RFX8: variants seen among roughly 807,000 people sequenced by gnomAD.
The protein encoded by RFX8 is DNA-binding protein RFX8.
Under a neutral mutation model 54.6 loss-of-function variants are expected in RFX8, and 46 were observed. The ratio of observed to expected loss-of-function variants is 0.84; its 90% CI spans 0.67 to 1.08. RFX8 has a LOEUF of 1.08. Among genes scored for constraint, RFX8 ranks in the 50% least tolerant of loss-of-function variants. The pLI is 0.00. For missense variants in RFX8, 536 were observed against 562.3 expected (o/e 0.95, Z 0.47); for synonymous variants, 192 against 209.5 (o/e 0.92, Z 0.72).
chr2:101,427,975 C>T lies in RFX8; in HGVS notation c.73-5503G>A, dbSNP rs998649212. Among the ~76,000 whole-genome samples the T allele has an allele frequency of 2.0e-4, 30 of 152,072 alleles. 1 individual carries two copies. The highest frequency in any genetic ancestry group is 1.4e-3 in the Admixed American group (21 of 15,266). On this transcript the variant is annotated intron_variant, in intron 2 of 11. Coordinates refer to ENST00000428343, the MANE Select transcript of RFX8 (RefSeq NM_001145664.2). The stretch of plus-strand genomic sequence containing the variant: ...ACGGACAGAATGTTGTTATCCCCCC[C>T]GCCCCCCGCAGGGTCATGTGTTAAA...
At chr2:101,442,346 G>A (rs1688143156) in intron 2 of RFX8, among the ~76,000 whole-genome samples, 1 of 152,066 alleles carries the variant, frequency 6.6e-6, no homozygotes, top group African/African-American at 2.4e-5. Context: ...TTTCTCTTCT[G>A]ATACTCCAAC....
chr2:101,412,014 T>A (rs1383692802), intron 8 of RFX8, among the ~76,000 whole-genome samples: 1 of 152,116 alleles, frequency 6.6e-6, no homozygotes, highest in Non-Finnish European at 1.5e-5. Context: ...ACACAGTTGA[T>A]AGCCTGAAGG....
chr2:101,410,365 CCA>C (rs1686045197), intron 9 of RFX8, among the ~76,000 whole-genome samples: 1 of 145,328 alleles, frequency 6.9e-6, no homozygotes, highest in African/African-American at 2.6e-5. Context: ...ACACACACTC[CCA>C]CACACCCAAA....
In RFX8 at chr2:101,402,621, C is replaced by G; in HGVS notation, c.1060G>C (p.Gly354Arg). Residue 354 changes from glycine (G) to arginine (R), a missense_variant, in exon 11 of 12, where the codon GGC becomes CGC. Physicochemically the swap from Gly to Arg is moderately radical, Grantham distance 125. Transcript: ENST00000428343. Reference sequence around the variant, plus strand: ...TGGAAAAGTGCCTGGTCTGGCTGGCCGAGAGTCGGGTCATCTGGTAGCATT... The same window carrying G: ...TGGAAAAGTGCCTGGTCTGGCTGGCGGAGAGTCGGGTCATCTGGTAGCATT... ...KEMLPDDPTL[G>R]QPDQALFHSL... 6.4e-7 allele frequency: 1 copy of G among 1,552,426 alleles called. No homozygotes were observed. The highest frequency in any genetic ancestry group is 2.4e-5 in the East Asian group (1 of 40,974).
intron 2 of RFX8, among the ~76,000 whole-genome samples, chr2:101,452,845 G>T (rs1046365376): frequency 5.3e-5 from 8 of 152,002 alleles, no homozygotes; most frequent in Admixed American, 6.6e-5. Flanking sequence ...GGTGGCTCAC[G>T]CCTGTAATCC....
intron 10 of RFX8, 46 bp downstream of exon 10, chr2:101,405,897 T>C (rs1450697951): frequency 2.7e-5 from 33 of 1,228,580 alleles, no homozygotes; most frequent in Non-Finnish European, 3.4e-5. Flanking sequence ...CATAATGACA[T>C]TTTTAAAAGG....
At chr2:101,470,585 G>A (rs1689921102) in intron 1 of RFX8, among the ~76,000 whole-genome samples, 1 of 152,128 alleles carries the variant, frequency 6.6e-6, no homozygotes, top group African/African-American at 2.4e-5. Context: ...ATCAGACAAG[G>A]TGGATTATTA....
intron 2 of RFX8, among the ~76,000 whole-genome samples, chr2:101,453,417 C>A (rs533755138): frequency 6.6e-6 from 1 of 152,214 alleles, no homozygotes; most frequent in Admixed American, 6.5e-5. Flanking sequence ...ATGGACAGAT[C>A]ACCTGAGGTC....
intron 2 of RFX8, among the ~76,000 whole-genome samples, chr2:101,427,526 G>A (rs956981460): frequency 1.1e-4 from 16 of 152,202 alleles, no homozygotes; most frequent in Admixed American, 7.2e-4. Context: ...ACGGCTCTGC[G>A]AACATGTTGA....
intron 10 of RFX8, 91 bp downstream of exon 10, chr2:101,405,852 T>C: frequency 1.4e-6 from 1 of 694,666 alleles, no homozygotes; most frequent in Non-Finnish European, 2.3e-6. Context: ...AGAAGACGGC[T>C]GGATTCTACA....
In RFX8 at chr2:101,421,729, G is replaced by C; in HGVS notation, c.232C>G (p.Arg78Gly). ...EYCNYCRDIL[R>G]NVEDLLTSFW... ...TCAAGTTCTCAGTTCCTCACATTTC[G>C]TAAAATGTCTCGACAATAGTTGCAG... Residue 78 changes from arginine (R) to glycine (G), a missense_variant, in exon 4 of 12, where the codon CGA becomes GGA. By Grantham distance (125) the Arg-to-Gly change is moderately radical. Coordinates refer to ENST00000428343, the MANE Select transcript of RFX8 (RefSeq NM_001145664.2). The C allele has an allele frequency of 6.5e-7, 1 of 1,549,414 alleles. No individual in the cohort carries two copies. Among genetic ancestry groups the C allele is most frequent in the Non-Finnish European group, 8.7e-7 (1 of 1,145,748 alleles).
intron 4 of RFX8, chr2:101,421,196 G>A: frequency 7.5e-6 from 7 of 938,044 alleles, no homozygotes; most frequent in Non-Finnish European, 8.9e-6. Flanking sequence ...TCATTTGAAT[G>A]TGCACTTGTT....
intron 2 of RFX8, among the ~76,000 whole-genome samples, chr2:101,428,012 G>A (rs558998014): frequency 3.3e-5 from 5 of 151,702 alleles, no homozygotes; most frequent in East Asian, 1.9e-4. Context: ...CCCTAATCCC[G>A]GCTGAGCGTG....
At chr2:101,469,088 ATATAAG>A (rs1401637537) in intron 1 of RFX8, among the ~76,000 whole-genome samples, 1 of 51,320 alleles carries the variant, frequency 1.9e-5, no homozygotes, top group African/African-American at 1.2e-4. Context: ...AAGTGTATAT[ATATAAG>A]TATATATATA....
chr2:101,453,615 T>C (rs1393822945), intron 2 of RFX8, among the ~76,000 whole-genome samples: 1 of 152,136 alleles, frequency 6.6e-6, no homozygotes, highest in Non-Finnish European at 1.5e-5. Context: ...TCAATGTAAT[T>C]TCTTCCAGTC....
intron 2 of RFX8, among the ~76,000 whole-genome samples, chr2:101,440,418 A>C (rs1193011090): frequency 6.6e-6 from 1 of 152,182 alleles, no homozygotes; most frequent in African/African-American, 2.4e-5. Context: ...GGAGTCTATA[A>C]TGTTGGCATG....
intron 4 of RFX8, among the ~76,000 whole-genome samples, chr2:101,419,959 C>A (rs560961931): frequency 6.6e-6 from 1 of 152,336 alleles, no homozygotes; most frequent in Non-Finnish European, 1.5e-5. Flanking sequence ...CCCCTCACCA[C>A]CCGCGTCCAA....
Position 101,427,889 on chromosome 2 carries a change from C to T in RFX8, c.73-5417G>A, listed in dbSNP as rs138612017. 2.5e-4 allele frequency among the ~76,000 whole-genome samples: 38 copies of T among 152,314 alleles called. No individual in the cohort carries two copies. In the East Asian group the frequency reaches 7.3e-3, roughly 29 times the overall value. On this transcript the variant is annotated intron_variant, in intron 2 of 11. Coordinates refer to ENST00000428343, the MANE Select transcript of RFX8 (RefSeq NM_001145664.2). ...ATTCAGCCCTCAAGAAGGCTGGTCA[C>T]TAAACACGTTTATAAAAGGTTATCT...
intron 4 of RFX8, 38 bp downstream of exon 4, chr2:101,421,686 A>G (rs914241679): frequency 1.5e-5 from 23 of 1,532,470 alleles, no homozygotes; most frequent in Non-Finnish European, 2.0e-5. Context: ...TGTATTTTAT[A>G]GATAAAACCC....
Sources: allele counts gnomAD v4.1 joint callset (sites outside exome capture counted in the v4.1 genomes callset), GRCh38; gene constraint gnomAD v4.1.1; transcripts MANE v1.5; gene names NCBI Gene and HGNC (gene_info 2026-07-23, HGNC 2026-07-21).